CTNNB1: variants seen among roughly 807,000 people sequenced by gnomAD.
CTNNB1 encodes catenin beta 1, also known as catenin beta-1.
A neutral mutation model predicts 82.5 loss-of-function variants in CTNNB1; 6 were observed. The ratio of observed to expected loss-of-function variants is 0.07; its 90% CI spans 0.04 to 0.14. CTNNB1 has a LOEUF of 0.14. Ranked by LOEUF, CTNNB1 falls within the 10% of genes least tolerant of loss-of-function variation. The probability of loss-of-function intolerance (pLI) is 1.00; values close to 1 mark genes in which losing one functional copy is unlikely to be tolerated. For missense variants in CTNNB1, 529 were observed against 980.4 expected (o/e 0.54, Z 6.15); for synonymous variants, 312 against 329.7 (o/e 0.95, Z 0.58).
chr3:41,205,231 A>G (rs1261679249), intron 1 of CTNNB1, among the ~76,000 whole-genome samples: 2 of 152,224 alleles, frequency 1.3e-5, no homozygotes, highest in African/African-American at 4.8e-5. Context: ...TTTCTAAGCT[A>G]AACTATTACT....
In CTNNB1 at chr3:41,225,141, A is replaced by G. The variant is rs2125620857; in HGVS notation, c.429A>G (p.Gln143=). ...KHAVVNLINY[Q]DDAELATRAI... is the part of the protein sequence containing the mutation. ...CAGTTGTAAACTTGATTAACTATCA[A>G]GATGATGCAGAACTTGCCACACGTG... The change falls in exon 4 of 15, where the codon CAA becomes CAG. Residue 143 remains glutamine, a synonymous_variant. Transcript: ENST00000349496. The surrounding 1 kb of genome is among the most constrained non-coding windows in gnomAD (Gnocchi z 5.3). 6.2e-7 allele frequency: 1 copy of G among 1,614,084 alleles called. No homozygotes were observed. The highest frequency in any genetic ancestry group is 1.3e-5 in the African/African-American group (1 of 75,056).
In CTNNB1 at chr3:41,224,693, C is replaced by G; in HGVS notation, c.181C>G (p.Gln61Glu). ...NPEEEDVDTS[Q>E]VLYEWEQGFS... is the part of the protein sequence containing the mutation. ...TGAGGAAGAGGATGTGGATACCTCC[C>G]AAGTCCTGTATGAGTGGGAACAGGG... The change falls in exon 3 of 15, where the codon CAA becomes GAA. Residue 61 changes from glutamine to glutamate, a missense_variant. By Grantham distance (29) the Gln-to-Glu change is conservative (BLOSUM62 2). Around this residue, in one of 4 missense-constraint regions of CTNNB1, gnomAD observed 411 missense variants for 776.4 expected, o/e 0.53. Transcript: ENST00000349496. 6.2e-7 allele frequency: 1 copy of G among 1,613,968 alleles called. No individual in the cohort carries two copies. Among genetic ancestry groups the G allele is most frequent in the Admixed American group, 1.7e-5 (1 of 59,938 alleles).
At chr3:41,212,034 T>C (rs2077804397) in intron 1 of CTNNB1, among the ~76,000 whole-genome samples, 1 of 152,238 alleles carries the variant, frequency 6.6e-6, no homozygotes, top group South Asian at 2.1e-4. Flanking sequence ...CCTGTTACTT[T>C]TCTCCTCTGA....
At chr3:41,209,756 TA>T (rs1349962114) in intron 1 of CTNNB1, among the ~76,000 whole-genome samples, 2 of 152,130 alleles carry the variant, frequency 1.3e-5, no homozygotes, top group Admixed American at 1.3e-4. Context: ...AAAAGTACAG[TA>T]AAAAATATGG....
intron 1 of CTNNB1, among the ~76,000 whole-genome samples, chr3:41,218,548 T>G (rs1206923307): frequency 6.6e-6 from 1 of 152,216 alleles, no homozygotes; most frequent in African/African-American, 2.4e-5. Context: ...AAAAATTTGG[T>G]TAAACTAAGA....
chr3:41,237,899 T>C, intron 13 of CTNNB1, 117 bp from the exon 14 acceptor site: 1 of 831,444 alleles, frequency 1.2e-6, no homozygotes, highest in Non-Finnish European at 2.1e-6. Context: ...ATTTGTGTAA[T>C]GTTGGAGTTA....
intron 3 of CTNNB1, 27 bp downstream of exon 3, chr3:41,224,780 A>G (rs2078135678): frequency 6.2e-7 from 1 of 1,604,886 alleles, no homozygotes; most frequent in South Asian, 1.1e-5. Flanking sequence ...TCATTGCCTT[A>G]CTGAAAGTCA....
intron 1 of CTNNB1, chr3:41,200,298 C>T (rs994364644): frequency 6.6e-6 from 1 of 152,108 alleles, no homozygotes; most frequent in Non-Finnish European, 1.5e-5. Flanking sequence ...CAACTAAACT[C>T]TAAGTGCAGC....
At chr3:41,224,809 T>C in intron 3 of CTNNB1, 56 bp downstream of exon 3, 2 of 1,596,566 alleles carry the variant, frequency 1.3e-6, no homozygotes, top group Non-Finnish European at 1.7e-6. Context: ...TTTTGAGAAC[T>C]AAAAAGTTAG....
rs114193799 is a variant in CTNNB1 at position 41,237,177 on chromosome 3, A to G, written c.2076+468A>G. On this transcript the variant is annotated intron_variant, in intron 13 of 14. Transcript: ENST00000349496. Reference sequence around the variant, plus strand: ...TAAAACTAGAACATCCTGATATTTTATCCATTCTATAGAGATCATTGATGG... The same window carrying G: ...TAAAACTAGAACATCCTGATATTTTGTCCATTCTATAGAGATCATTGATGG... 753 of 226,260 alleles carry G rather than the reference A, an allele frequency of 3.3e-3. 11 individuals carry two copies. The highest frequency in any genetic ancestry group is 0.016 in the African/African-American group (696 of 42,826). 14.0% of individuals were successfully genotyped at this position (226,260 alleles called of 1,614,324 possible).
intron 1 of CTNNB1, among the ~76,000 whole-genome samples, chr3:41,211,210 T>C (rs567381525): frequency 6.6e-6 from 1 of 152,302 alleles, no homozygotes; most frequent in Admixed American, 6.5e-5. Context: ...GGCTACAACA[T>C]CACTAGGTGA....
At chr3:41,221,101 C>T (rs1265712817) in intron 1 of CTNNB1, 2 of 152,082 alleles carry the variant, frequency 1.3e-5, no homozygotes, top group Non-Finnish European at 2.9e-5. Context: ...GTTGGCTAGC[C>T]CCCTCTTTGT....
intron 1 of CTNNB1, among the ~76,000 whole-genome samples, chr3:41,217,826 C>T (rs894463396): frequency 2.6e-5 from 4 of 152,042 alleles, no homozygotes; most frequent in African/African-American, 9.7e-5. Context: ...ATTTCTTGTT[C>T]TTTCCCTGCA....
At chr3:41,237,951 T>G in intron 13 of CTNNB1, 65 bp from the exon 14 acceptor site, 1 of 1,354,898 alleles carries the variant, frequency 7.4e-7, no homozygotes, top group East Asian at 2.3e-5. Flanking sequence ...TAAAAAAAAT[T>G]AGTGTACTTT....
At chr3:41,233,144 G>C in intron 7 of CTNNB1, 197 bp from the exon 8 acceptor site, 1 of 631,192 alleles carries the variant, frequency 1.6e-6, no homozygotes, top group Non-Finnish European at 2.8e-6. Flanking sequence ...TTGAGAGTTT[G>C]TCACTAGTGA....
intron 6 of CTNNB1, among the ~76,000 whole-genome samples, chr3:41,226,375 G>C (rs1291961606): frequency 6.6e-6 from 1 of 152,176 alleles, no homozygotes. Context: ...AAGAAGTGGG[G>C]CTATGAGGGC....
chr3:41,211,733 A>G (rs1033466872), intron 1 of CTNNB1, among the ~76,000 whole-genome samples: 12 of 152,130 alleles, frequency 7.9e-5, no homozygotes, highest in African/African-American at 2.4e-4. Context: ...ATCATATTCC[A>G]TGGTGTATAG....
At chr3:41,237,501 T>A (rs527763675) in intron 13 of CTNNB1, 39 of 152,260 alleles carry the variant, frequency 2.6e-4, no homozygotes, top group African/African-American at 9.3e-4. Context: ...TTACTTGGGT[T>A]TTTAATAGGC....
chr3:41,199,805 C>T (rs1320905914), intron 1 of CTNNB1, 135 bp downstream of exon 1: 4 of 150,512 alleles, frequency 2.7e-5, no homozygotes, highest in Admixed American at 2.6e-4. Flanking sequence ...GCGGGGAGCT[C>T]AGGTGGGGGA....
Sources: allele counts gnomAD v4.1 joint callset (sites outside exome capture counted in the v4.1 genomes callset), GRCh38; gene constraint gnomAD v4.1.1; regional missense constraint gnomAD v4.1.1; non-coding constraint Gnocchi (gnomAD v3.1); transcripts MANE v1.5; gene names NCBI Gene and HGNC (gene_info 2026-07-23, HGNC 2026-07-21).